Variants in ZFPM2 observed in about 807,000 individuals in gnomAD.
ZFPM2 encodes zinc finger protein, FOG family member 2, also known as zinc finger protein ZFPM2.
Under a neutral mutation model 98.6 loss-of-function variants are expected in ZFPM2, and 20 were observed. The observed-to-expected ratio is 0.20, with a 90% confidence interval of 0.14 to 0.29. The LOEUF (loss-of-function observed/expected upper bound fraction) is 0.29, where lower values mean the gene tolerates loss of function less well. ZFPM2 is among the 10% of genes least tolerant of loss of function. The pLI, the probability that ZFPM2 is intolerant of heterozygous loss-of-function variation, is 1.00. For missense variants in ZFPM2, 1,310 were observed against 1,388.6 expected (o/e 0.94, Z 0.90); for synonymous variants, 518 against 502.7 (o/e 1.03, Z -0.41).
At chr8:105,671,438 GTGT>G (rs1563514759) in intron 5 of ZFPM2, among the ~76,000 whole-genome samples, 1 of 151,050 alleles carries the variant, frequency 6.6e-6, no homozygotes, top group Non-Finnish European at 1.5e-5. Flanking sequence ...ACAACATCTC[GTGT>G]TGTTTTAATC....
In ZFPM2 at chr8:105,474,665, A is replaced by C. The variant is rs530422507; in HGVS notation, c.301+30284A>C. Among the ~76,000 whole-genome samples the C allele has an allele frequency of 6.7e-4, 102 of 152,336 alleles. 1 individual carries two copies. Among genetic ancestry groups the C allele is most frequent in the Non-Finnish European group, 1.1e-3 (77 of 68,026 alleles). On this transcript the variant is annotated intron_variant, in intron 3 of 7. Transcript: ENST00000407775. ...CTTCTTATAATCTGATTTTATAGTCAATCATTAGCTATCATTCATTAGCTA... is the reference window on the plus strand; with the variant it reads ...CTTCTTATAATCTGATTTTATAGTCCATCATTAGCTATCATTCATTAGCTA...
intron 1 of ZFPM2, among the ~76,000 whole-genome samples, chr8:105,412,412 G>T (rs916100046): frequency 6.6e-6 from 1 of 151,470 alleles, no homozygotes; most frequent in Non-Finnish European, 1.5e-5. Flanking sequence ...TAAAAAAGAG[G>T]TACAGCTATG....
At chr8:105,783,904 A>G (rs1322973048) in intron 5 of ZFPM2, among the ~76,000 whole-genome samples, 3 of 152,138 alleles carry the variant, frequency 2.0e-5, no homozygotes, top group African/African-American at 7.2e-5. Context: ...ATATATATCC[A>G]AAAGTAGAAT....
At chr8:105,583,988 AT>A (rs1815658302) in intron 4 of ZFPM2, among the ~76,000 whole-genome samples, 1 of 151,898 alleles carries the variant, frequency 6.6e-6, no homozygotes, top group Admixed American at 6.6e-5. Flanking sequence ...GTTAATCACT[AT>A]TTTTCTGCTT....
intron 1 of ZFPM2, 72 bp from the exon 2 acceptor site, chr8:105,419,072 C>T: frequency 6.8e-7 from 1 of 1,459,940 alleles, no homozygotes; most frequent in Non-Finnish European, 9.3e-7. Context: ...CAAAAAAAGG[C>T]TCTATTTAAG....
chr8:105,332,437 C>T (rs1206058124), intron 1 of ZFPM2, among the ~76,000 whole-genome samples: 1 of 151,664 alleles, frequency 6.6e-6, no homozygotes, highest in African/African-American at 2.4e-5. Context: ...TAAAAACCCA[C>T]ATAATTTCCT....
At chr8:105,331,252 A>C (rs1276939408) in intron 1 of ZFPM2, among the ~76,000 whole-genome samples, 1 of 151,560 alleles carries the variant, frequency 6.6e-6, no homozygotes, top group African/African-American at 2.4e-5. Context: ...ATGGAAAAAA[A>C]GAATCAGGGA....
At chr8:105,374,239 A>T (rs1291296639) in intron 1 of ZFPM2, among the ~76,000 whole-genome samples, 1 of 152,140 alleles carries the variant, frequency 6.6e-6, no homozygotes, top group Non-Finnish European at 1.5e-5. Context: ...CTTGGGTGAA[A>T]CTTTTTAATA....
intron 3 of ZFPM2, among the ~76,000 whole-genome samples, chr8:105,554,309 A>G (rs1814933779): frequency 2.0e-5 from 3 of 152,202 alleles, no homozygotes; most frequent in Admixed American, 2.0e-4. Flanking sequence ...TGTGAAGATA[A>G]TCAGCAGTGA....
chr8:105,438,741 T>G (rs1327487554), intron 2 of ZFPM2, among the ~76,000 whole-genome samples: 5 of 152,158 alleles, frequency 3.3e-5, no homozygotes. Flanking sequence ...GGTTGATTAC[T>G]GTATTTGTAT....
intron 1 of ZFPM2, among the ~76,000 whole-genome samples, chr8:105,363,635 T>C (rs908685607): frequency 6.6e-6 from 1 of 152,132 alleles, no homozygotes; most frequent in African/African-American, 2.4e-5. Context: ...ATTGCTATTA[T>C]GGCATGCTGT....
chr8:105,646,045 C>A (rs1485706295), intron 5 of ZFPM2, among the ~76,000 whole-genome samples: 7 of 112,578 alleles, frequency 6.2e-5, no homozygotes, highest in Non-Finnish European at 1.3e-4. Context: ...AGTGAGACTC[C>A]ATCTGGAAAA....
Position 105,801,077 on chromosome 8 carries a change from G to T in ZFPM2, c.995G>T (p.Gly332Val), listed in dbSNP as rs749761306. The T allele has an allele frequency of 3.7e-6, 6 of 1,613,532 alleles. No individual in the cohort carries two copies. The highest frequency in any genetic ancestry group is 3.4e-6 in the Non-Finnish European group (4 of 1,179,640). ...GVKMEEFLPP[G>V]ASLKCTVCSY... is the part of the protein sequence containing the mutation. ...AAAATGGAAGAATTCCTGCCCCCTG[G>T]TGCTAGTCTAAAATGCACCGTCTGT... The change falls in exon 8 of 8, where the codon GGT (glycine) becomes GTT (valine). Residue 332 changes from glycine (G) to valine (V), a missense_variant. Gly to Val is a moderately radical substitution (Grantham distance 109). Coordinates refer to ENST00000407775, the MANE Select transcript of ZFPM2 (RefSeq NM_012082.4).
At chr8:105,635,671 C>T (rs771125511) in intron 5 of ZFPM2, among the ~76,000 whole-genome samples, 34 of 152,180 alleles carry the variant, frequency 2.2e-4, no homozygotes, top group African/African-American at 5.3e-4. Flanking sequence ...TTACCAATGC[C>T]GACATTCAGA....
chr8:105,499,870 C>T (rs1485245667), intron 3 of ZFPM2, among the ~76,000 whole-genome samples: 1 of 152,082 alleles, frequency 6.6e-6, no homozygotes, highest in African/African-American at 2.4e-5. Flanking sequence ...GTAGGATTTG[C>T]AATGACAGGA....
At position 105,694,203 on chromosome 8, in the gene ZFPM2, G is replaced by A. The variant is rs369786342; in HGVS notation, c.532+59846G>A. ...GGGTTTCGCTGTGTTAGCCAGGATG[G>A]TCTCAATCTCCTGACCTTGTGATCT... On this transcript the variant is annotated intron_variant, in intron 5 of 7. Transcript: ENST00000407775. Among the ~76,000 whole-genome samples the A allele has an allele frequency of 1.4e-3, 210 of 151,780 alleles. 2 individuals carry two copies. The highest frequency in any genetic ancestry group is 3.9e-3 in the Admixed American group (60 of 15,246).
intron 3 of ZFPM2, among the ~76,000 whole-genome samples, chr8:105,481,993 T>A (rs1278896668): frequency 6.6e-6 from 1 of 152,234 alleles, no homozygotes; most frequent in Non-Finnish European, 1.5e-5. Context: ...ACATTACATA[T>A]ATGCACTAAA....
intron 5 of ZFPM2, among the ~76,000 whole-genome samples, chr8:105,695,378 A>ATTT (rs1165726984): frequency 6.7e-5 from 5 of 74,842 alleles, no homozygotes; most frequent in African/African-American, 1.6e-4. Flanking sequence ...AATGGTTTGT[A>ATTT]TTTTTTTTTT....
intron 5 of ZFPM2, among the ~76,000 whole-genome samples, chr8:105,743,442 T>C (rs1243395080): frequency 6.6e-6 from 1 of 151,944 alleles, no homozygotes; most frequent in Admixed American, 6.6e-5. Flanking sequence ...ACTTGGAGAA[T>C]GGATGTGAGG....
Sources: allele counts gnomAD v4.1 joint callset (sites outside exome capture counted in the v4.1 genomes callset), GRCh38; gene constraint gnomAD v4.1.1; transcripts MANE v1.5; gene names NCBI Gene and HGNC (gene_info 2026-07-23, HGNC 2026-07-21).